STK24: variants seen among roughly 807,000 people sequenced by gnomAD.
The protein encoded by STK24 is serine/threonine-protein kinase 24.
In STK24, 21 loss-of-function variants were observed where a neutral mutation model predicts 55.6. That is an observed-to-expected ratio of 0.38 (90% CI 0.27 to 0.54). The LOEUF is 0.54. Among genes scored for constraint, STK24 ranks in the 20% least tolerant of loss-of-function variants. The pLI, the probability that STK24 is intolerant of heterozygous loss-of-function variation, is 0.79. For missense variants in STK24, 383 were observed against 538.4 expected (o/e 0.71, Z 2.86); for synonymous variants, 200 against 215.2 (o/e 0.93, Z 0.62).
chr13:98,542,912 C>A, intron 1 of STK24: 1 of 985,436 alleles, frequency 1.0e-6, no homozygotes, highest in Non-Finnish European at 1.2e-6. Context: ...GAACACGCGG[C>A]CTGACAGGAA....
chr13:98,472,794 G>A (rs1366913305), intron 5 of STK24, among the ~76,000 whole-genome samples: 2 of 152,112 alleles, frequency 1.3e-5, no homozygotes, highest in Admixed American at 6.5e-5. Context: ...TTGACCTTGG[G>A]TAAGTTTTAA....
At chr13:98,505,215 TC>T (rs2139353676) in intron 2 of STK24, among the ~76,000 whole-genome samples, 1 of 152,340 alleles carries the variant, frequency 6.6e-6, no homozygotes, top group South Asian at 2.1e-4. Flanking sequence ...GAGAAAGGCT[TC>T]ATGCCACACC....
chr13:98,569,791 C>T lies in STK24; in HGVS notation c.42+6954G>A, dbSNP rs1356332589. ...AGCCCATGTGAGGAAAAGAGGCAAGCGGAAGAGAAGTAAATCCTCATCCGC... is the reference window on the plus strand; with the variant it reads ...AGCCCATGTGAGGAAAAGAGGCAAGTGGAAGAGAAGTAAATCCTCATCCGC... On this transcript the variant is annotated intron_variant, in intron 1 of 10. Coordinates refer to ENST00000539966, the MANE Select transcript of STK24 (RefSeq NM_001032296.4). 6.0e-5 allele frequency among the ~76,000 whole-genome samples: 9 copies of T among 148,864 alleles called. No homozygotes were observed. The South Asian group carries it at 1.7e-3, about 28-fold the overall frequency.
chr13:98,560,927 C>G (rs553749210), intron 1 of STK24, among the ~76,000 whole-genome samples: 1 of 151,804 alleles, frequency 6.6e-6, no homozygotes, highest in Admixed American at 6.6e-5. Flanking sequence ...AACCATAATT[C>G]AGTCAGGCAG....
intron 1 of STK24, among the ~76,000 whole-genome samples, chr13:98,532,057 C>A (rs1896594111): frequency 1.3e-5 from 2 of 152,054 alleles, no homozygotes; most frequent in African/African-American, 4.8e-5. Context: ...GGGGAAGGGC[C>A]CCACCCCCCA....
chr13:98,522,076 C>T (rs929987983), intron 1 of STK24: 2 of 1,369,610 alleles, frequency 1.5e-6, no homozygotes, highest in African/African-American at 1.5e-5. Flanking sequence ...CCCACCACTG[C>T]AGCCTGGCTC....
intron 1 of STK24, among the ~76,000 whole-genome samples, chr13:98,571,828 C>G (rs1897747916): frequency 1.3e-5 from 2 of 152,166 alleles, no homozygotes; most frequent in South Asian, 4.1e-4. Context: ...TCCACTTAGG[C>G]TGTCCTACTG....
chr13:98,550,883 T>C (rs554582695), intron 1 of STK24, among the ~76,000 whole-genome samples: 6 of 152,264 alleles, frequency 3.9e-5, no homozygotes, highest in Non-Finnish European at 2.9e-5. Context: ...AAGAAAACCT[T>C]CTGAATCAAT....
intron 1 of STK24, among the ~76,000 whole-genome samples, chr13:98,548,666 A>G (rs1240065053): frequency 1.3e-5 from 2 of 151,970 alleles, no homozygotes; most frequent in African/African-American, 4.8e-5. Context: ...GTTCGAGACC[A>G]CCCTGGCCAA....
At chr13:98,541,465 T>C (rs971612575) in intron 1 of STK24, among the ~76,000 whole-genome samples, 67 of 152,340 alleles carry the variant, frequency 4.4e-4, no homozygotes, top group African/African-American at 1.5e-3. Flanking sequence ...GGCAGTATTA[T>C]GAAAACTTTT....
intron 1 of STK24, among the ~76,000 whole-genome samples, chr13:98,521,502 C>T (rs1464749417): frequency 6.6e-6 from 1 of 151,996 alleles, no homozygotes. Flanking sequence ...CCTACAACAT[C>T]CTCCTCTTCC....
At chr13:98,464,541 G>C (rs1893857818) in intron 6 of STK24, among the ~76,000 whole-genome samples, 1 of 144,574 alleles carries the variant, frequency 6.9e-6, no homozygotes, top group Non-Finnish European at 1.5e-5. Flanking sequence ...TTGTTGCCCA[G>C]GCTGGAGTGC....
chr13:98,457,809 A>G (rs1893531751), intron 9 of STK24, among the ~76,000 whole-genome samples: 1 of 152,164 alleles, frequency 6.6e-6, no homozygotes, highest in Admixed American at 6.5e-5. Context: ...ATGCTCTGAG[A>G]GCAGTTATGT....
At chr13:98,493,282 A>AG (rs778931644) in intron 2 of STK24, among the ~76,000 whole-genome samples, 1 of 152,232 alleles carries the variant, frequency 6.6e-6, no homozygotes, top group Non-Finnish European at 1.5e-5. Context: ...TTCCATAAAC[A>AG]CAAACTTGAC....
At chr13:98,464,412 C>G (rs1893848381) in intron 6 of STK24, among the ~76,000 whole-genome samples, 1 of 150,756 alleles carries the variant, frequency 6.6e-6, no homozygotes, top group Non-Finnish European at 1.5e-5. Context: ...GAGCAAGACT[C>G]TGTCTCAAAA....
intron 7 of STK24, among the ~76,000 whole-genome samples, 172 bp from the exon 8 acceptor site, chr13:98,462,069 G>C (rs1447580967): frequency 6.7e-6 from 1 of 150,310 alleles, no homozygotes; most frequent in Non-Finnish European, 1.5e-5. Flanking sequence ...AGACCCCCCC[G>C]CCTCCTCCCT....
chr13:98,448,314 T>C lies in STK24; in HGVS notation c.*4859A>G, dbSNP rs1367198997. On this transcript the variant is annotated 3_prime_UTR_variant, in exon 11 of 11. Transcript: ENST00000539966. ...TGAGTCACAAAGAGTCTCTTGTGTATTGATGGCCGGACACACTCGTTTCCG... is the reference window on the plus strand; with the variant it reads ...TGAGTCACAAAGAGTCTCTTGTGTACTGATGGCCGGACACACTCGTTTCCG... The C allele has an allele frequency of 6.8e-6, 11 of 1,611,938 alleles. No individual in the cohort carries two copies. Among genetic ancestry groups the C allele is most frequent in the Non-Finnish European group, 9.3e-6 (11 of 1,178,072 alleles).
At chr13:98,496,450 G>A (rs1045036697) in intron 2 of STK24, among the ~76,000 whole-genome samples, 4 of 152,146 alleles carry the variant, frequency 2.6e-5, no homozygotes, top group African/African-American at 9.7e-5. Flanking sequence ...AGTCCCCAGC[G>A]TCACTGGGCC....
chr13:98,556,226 TC>T (rs1470242463), intron 1 of STK24, among the ~76,000 whole-genome samples: 24 of 152,320 alleles, frequency 1.6e-4, no homozygotes, highest in African/African-American at 5.3e-4. Context: ...GCCACAGGGA[TC>T]AGTCCAGGGT....
Sources: gnomAD v4.1 joint callset for allele counts (sites outside exome capture counted in the v4.1 genomes callset) on GRCh38, gnomAD v4.1.1 for gene constraint, MANE v1.5 for transcripts, NCBI Gene and HGNC (gene_info 2026-07-23, HGNC 2026-07-21) for gene names.